Variants in MEIS2 observed in about 807,000 individuals in gnomAD.
MEIS2 encodes Meis homeobox 2.
A neutral mutation model predicts 58.6 loss-of-function variants in MEIS2; 9 were observed. The ratio of observed to expected loss-of-function variants is 0.15; its 90% CI spans 0.09 to 0.27. The LOEUF (loss-of-function observed/expected upper bound fraction) is 0.27. MEIS2 is among the 10% of genes least tolerant of loss of function. The probability of loss-of-function intolerance (pLI) is 1.00; values close to 1 mark genes in which losing one functional copy is unlikely to be tolerated. For synonymous variants in MEIS2, 221 were observed against 228.4 expected, an observed-to-expected ratio of 0.97 and a Z score of 0.29; for missense variants, 427 against 635.0, an observed-to-expected ratio of 0.67 and a Z score of 3.52.
At chr15:37,086,266 G>A (rs896778356) in intron 6 of MEIS2, among the ~76,000 whole-genome samples, 14 of 152,132 alleles carry the variant, frequency 9.2e-5, no homozygotes, top group African/African-American at 3.4e-4. Context: ...CTGTTTAGGT[G>A]CTGCATTGAT....
At chr15:36,978,574 A>G (rs1415090631) in intron 8 of MEIS2, among the ~76,000 whole-genome samples, 2 of 152,360 alleles carry the variant, frequency 1.3e-5, no homozygotes, top group South Asian at 2.1e-4. Flanking sequence ...GAAAAGTTGG[A>G]AAAGAAGGAA....
chr15:37,072,219 T>C (rs1890801041), intron 7 of MEIS2, among the ~76,000 whole-genome samples: 1 of 152,122 alleles, frequency 6.6e-6, no homozygotes, highest in Admixed American at 6.6e-5. Context: ...TAAACTCCTT[T>C]TGCTTAAACT....
At chr15:37,083,496 A>C (rs1337181001) in intron 7 of MEIS2, among the ~76,000 whole-genome samples, 1 of 152,224 alleles carries the variant, frequency 6.6e-6, no homozygotes, top group Non-Finnish European at 1.5e-5. Flanking sequence ...TACACACAGA[A>C]ATAAAGTGTA....
intron 9 of MEIS2, among the ~76,000 whole-genome samples, chr15:36,921,081 TC>T (rs1214377916): frequency 6.6e-6 from 1 of 152,188 alleles, no homozygotes; most frequent in Non-Finnish European, 1.5e-5. Flanking sequence ...CATTTGTTAA[TC>T]AAACATGGCA....
At chr15:37,005,799 T>C (rs574864743) in intron 8 of MEIS2, among the ~76,000 whole-genome samples, 1 of 152,314 alleles carries the variant, frequency 6.6e-6, no homozygotes, top group Admixed American at 6.5e-5. Context: ...GCTCAAGTCA[T>C]CCGCCCTCCT....
At chr15:36,950,880 T>C (rs1352375474) in intron 8 of MEIS2, among the ~76,000 whole-genome samples, 1 of 152,096 alleles carries the variant, frequency 6.6e-6, no homozygotes, top group Non-Finnish European at 1.5e-5. Context: ...AGTGAGGTAG[T>C]ATATAATCAC....
intron 8 of MEIS2, among the ~76,000 whole-genome samples, chr15:36,984,760 C>T (rs1315909018): frequency 6.6e-6 from 1 of 152,144 alleles, no homozygotes; most frequent in Non-Finnish European, 1.5e-5. Flanking sequence ...CTGATTCAAT[C>T]TCCTTACCGG....
intron 11 of MEIS2, chr15:36,894,299 C>T (rs746052384): frequency 1.3e-5 from 2 of 158,942 alleles, no homozygotes; most frequent in Non-Finnish European, 2.8e-5. Context: ...CAATCGTATT[C>T]TGACAGATTT....
intron 7 of MEIS2, among the ~76,000 whole-genome samples, chr15:37,065,695 G>A (rs1386517908): frequency 6.6e-6 from 1 of 152,190 alleles, no homozygotes; most frequent in African/African-American, 2.4e-5. Flanking sequence ...AGCGGTGTTG[G>A]TGAGCAAATT....
At chr15:36,906,861 T>A (rs913740430) in intron 9 of MEIS2, among the ~76,000 whole-genome samples, 3 of 152,164 alleles carry the variant, frequency 2.0e-5, no homozygotes, top group African/African-American at 7.2e-5. Flanking sequence ...AAGTTCTTTA[T>A]CTGACCATGA....
chr15:37,052,244 TCCA>T (rs2062950468), intron 7 of MEIS2, among the ~76,000 whole-genome samples: 2 of 152,192 alleles, frequency 1.3e-5, no homozygotes, highest in South Asian at 4.1e-4. Flanking sequence ...AATCCCTGAA[TCCA>T]CCATATAAGG....
intron 9 of MEIS2, among the ~76,000 whole-genome samples, chr15:36,950,059 A>C (rs1179814287): frequency 6.6e-6 from 1 of 151,978 alleles, no homozygotes; most frequent in African/African-American, 2.4e-5. Context: ...AGATGGGAAA[A>C]GTGAGGTGGA....
At chr15:36,931,401 A>T (rs191240807) in intron 9 of MEIS2, among the ~76,000 whole-genome samples, 264 of 152,370 alleles carry the variant, frequency 1.7e-3, no homozygotes, top group African/African-American at 6.1e-3. Flanking sequence ...TTTCACTTAA[A>T]ATTCAAATCA....
At chr15:37,062,992 C>G (rs912923548) in intron 7 of MEIS2, among the ~76,000 whole-genome samples, 13 of 152,252 alleles carry the variant, frequency 8.5e-5, no homozygotes, top group Admixed American at 7.9e-4. Flanking sequence ...TATGGCATTA[C>G]AAGCCTGTCA....
chr15:36,914,015 T>C (rs1156431180), intron 9 of MEIS2, among the ~76,000 whole-genome samples: 2 of 152,218 alleles, frequency 1.3e-5, no homozygotes, highest in Admixed American at 1.3e-4. Flanking sequence ...CCTTTCTTCC[T>C]GCCATCCTCA....
At chr15:36,914,638 G>A (rs2057189329) in intron 9 of MEIS2, among the ~76,000 whole-genome samples, 1 of 152,198 alleles carries the variant, frequency 6.6e-6, no homozygotes, top group Non-Finnish European at 1.5e-5. Flanking sequence ...AGCCGAGAGG[G>A]TGTGGCTTTC....
chr15:37,099,427 T>G, intron 1 of MEIS2, 28 bp downstream of exon 1: 1 of 1,614,134 alleles, frequency 6.2e-7, no homozygotes, highest in Non-Finnish European at 8.5e-7. Context: ...GATTTATATC[T>G]AGGTAAGTGT....
At chr15:37,083,979 G>T in intron 6 of MEIS2, 94 bp from the exon 7 acceptor site, 1 of 1,006,492 alleles carries the variant, frequency 9.9e-7, no homozygotes, top group Non-Finnish European at 1.5e-6. Flanking sequence ...ACAAAAAAAT[G>T]TATACATATT....
Position 37,058,196 on chromosome 15 carries a change from T to C in MEIS2, c.755-21237A>G, listed in dbSNP as rs564884479. On this transcript the variant is annotated intron_variant, in intron 7 of 11. Coordinates refer to ENST00000561208, the MANE Select transcript of MEIS2 (RefSeq NM_170675.5). ...CCAAAGGATCGTGCATGGGCTTAAT[T>C]CCCTGCCTGAAAACAGGTCAAGATG... Among the ~76,000 whole-genome samples, 12 of 152,158 alleles carry C rather than the reference T, an allele frequency of 7.9e-5. No individual in the cohort carries two copies. The South Asian group carries it at 8.4e-4, about 11-fold the overall frequency.
Sources: gnomAD v4.1 joint callset for allele counts (sites outside exome capture counted in the v4.1 genomes callset) on GRCh38, gnomAD v4.1.1 for gene constraint, MANE v1.5 for transcripts, NCBI Gene and HGNC (gene_info 2026-07-23, HGNC 2026-07-21) for gene names.